The following OR5L2 variants were observed in gnomAD, a reference collection of about 807,000 sequenced individuals.
OR5L2 encodes olfactory receptor 5L2.
For missense variants in OR5L2, 425 were observed against 365.6 expected, an observed-to-expected ratio of 1.16 and a Z score of -1.32; for synonymous variants, 175 against 151.6, an observed-to-expected ratio of 1.15 and a Z score of -1.13.
rs1458129843 is a variant in OR5L2 at position 55,827,765 on chromosome 11, C to A, written c.547C>A (p.Pro183Thr). 1.2e-6 allele frequency: 2 copies of A among 1,613,750 alleles called. No individual in the cohort carries two copies. The highest frequency in any genetic ancestry group is 1.7e-5 in the Admixed American group (1 of 59,974). ...VINHFFCDLP[P>T]LLSLACSDVT... ...TAACCACTTCTTCTGTGATCTACCC[C>A]CTCTCCTAAGTCTTGCTTGCTCTGA... Residue 183 changes from proline (P) to threonine (T), a missense_variant, in exon 1 of 1, where the codon CCT (proline) becomes ACT (threonine). Transcript: ENST00000378397.
Position 55,827,760 on chromosome 11 carries a change from T to C in OR5L2, c.542T>C (p.Leu181Pro). The C allele has an allele frequency of 1.2e-6, 2 of 1,613,954 alleles. No homozygotes were observed. Among genetic ancestry groups the C allele is most frequent in the Non-Finnish European group, 1.7e-6 (2 of 1,180,000 alleles). ...GTGATTAACCACTTCTTCTGTGATCTACCCCCTCTCCTAAGTCTTGCTTGC... is the reference window on the plus strand; with the variant it reads ...GTGATTAACCACTTCTTCTGTGATCCACCCCCTCTCCTAAGTCTTGCTTGC... ...SNVINHFFCDLPPLLSLACSD... is the reference protein window; with the variant it reads ...SNVINHFFCDPPPLLSLACSD... Residue 181 changes from leucine to proline, a missense_variant, in exon 1 of 1, where the codon CTA becomes CCA. Coordinates refer to ENST00000378397, the MANE Select transcript of OR5L2 (RefSeq NM_001004739.1).
chr11:55,827,713 G>C lies in OR5L2; in HGVS notation c.495G>C (p.Arg165Ser). Residue 165 changes from arginine to serine, a missense_variant, in exon 1 of 1, where the codon AGG (arginine) becomes AGC (serine). Physicochemically the swap from Arg to Ser is moderately radical, Grantham distance 110. Transcript: ENST00000378397. ...TGATTCACTCGTCCTTAGCTCTTAG[G>C]ATCCTCTTCTATAGATCTAATGTGA... ...CSLIHSSLAL[R>S]ILFYRSNVIN... 6.2e-7 allele frequency: 1 copy of C among 1,613,706 alleles called. No individual in the cohort carries two copies. Among genetic ancestry groups the C allele is most frequent in the South Asian group, 1.1e-5 (1 of 91,082 alleles).
rs760578756 is a variant in OR5L2, at chr11:55,828,031, C to A, written c.813C>A (p.Asp271Glu). 6.6e-7 allele frequency: 1 copy of A among 1,509,808 alleles called. No homozygotes were observed. The highest frequency in any genetic ancestry group is 8.9e-7 in the Non-Finnish European group (1 of 1,128,132). 93.5% of individuals were successfully genotyped at this position (1,509,808 alleles called of 1,614,324 possible). ...RPSSGNSGDV[D>E]KVATVFYTVV... ...GTTCAGGCAACAGTGGAGATGTTGA[C>A]AAAGTGGCCACCGTGTTCTACACAG... Residue 271 changes from aspartate (D) to glutamate (E), a missense_variant, in exon 1 of 1, where the codon GAC becomes GAA. Physicochemically the swap from Asp to Glu is conservative, Grantham distance 45. Coordinates refer to ENST00000378397, the MANE Select transcript of OR5L2 (RefSeq NM_001004739.1).
Position 55,827,957 on chromosome 11 carries a change from G to A in OR5L2, c.739G>A (p.Ala247Thr), listed in dbSNP as rs775440264. ...CTCCACCTGTGCCTCCCACCTCACA[G>A]CCATCACTGTCTCCCATGGAACAAT... ...AFSTCASHLT[A>T]ITVSHGTILY... The change falls in exon 1 of 1, where the codon GCC becomes ACC. Residue 247 changes from alanine to threonine, a missense_variant. Transcript: ENST00000378397. 6.2e-7 allele frequency: 1 copy of A among 1,613,828 alleles called. No individual in the cohort carries two copies. The highest frequency in any genetic ancestry group is 8.5e-7 in the Non-Finnish European group (1 of 1,179,976).
Position 55,827,248 on chromosome 11 carries a change from T to G in OR5L2, c.30T>G (p.Ala10=), listed in dbSNP as rs61743527. The change falls in exon 1 of 1, where the codon GCT becomes GCG. Residue 10 remains alanine (A), a synonymous_variant. Transcript: ENST00000378397. The part of the protein sequence containing the change: MGKENCTTV[A]EFILLGLSDV... The stretch of plus-strand genomic sequence containing the variant: ...GCAAGGAAAACTGCACCACTGTGGC[T>G]GAGTTCATTCTCCTTGGACTATCAG... 1,724 of 1,613,578 alleles carry G rather than the reference T, an allele frequency of 1.1e-3. 36 individuals carry two copies. In the African/African-American group the frequency reaches 0.02, roughly 19 times the overall value.
chr11:55,827,232 A>G lies in OR5L2; in HGVS notation c.14A>G (p.Asn5Ser), dbSNP rs2134473863. ...TAAATTGGAGACATGGGCAAGGAAA[A>G]CTGCACCACTGTGGCTGAGTTCATT... MGKE[N>S]CTTVAEFILL... The change falls in exon 1 of 1, where the codon AAC becomes AGC. Residue 5 changes from asparagine to serine, a missense_variant. By Grantham distance (46) the Asn-to-Ser change is conservative. Coordinates refer to ENST00000378397, the MANE Select transcript of OR5L2 (RefSeq NM_001004739.1). 2 of 1,612,526 alleles carry G rather than the reference A, an allele frequency of 1.2e-6. No individual in the cohort carries two copies. The highest frequency in any genetic ancestry group is 1.7e-6 in the Non-Finnish European group (2 of 1,179,202).
Position 55,827,344 on chromosome 11 carries a change from T to C in OR5L2, c.126T>C (p.Asn42=), listed in dbSNP as rs531563456. ...TCTATGGAGTCACGTTGTTAGCCAA[T>C]CTGGGCATGACTGCACTGATTCAGG... ...LLIYGVTLLA[N]LGMTALIQVS... is the part of the protein sequence containing the mutation. Residue 42 remains asparagine (N), a synonymous_variant, in exon 1 of 1, where the codon AAT becomes AAC. Coordinates refer to ENST00000378397, the MANE Select transcript of OR5L2 (RefSeq NM_001004739.1). The C allele has an allele frequency of 1.1e-4, 181 of 1,613,902 alleles. No individual in the cohort carries two copies. In the East Asian group the frequency reaches 1.2e-3, roughly 11 times the overall value.
rs2134474823 is a variant in OR5L2, at chr11:55,827,484, A to T, written c.266A>T (p.Asp89Val). The T allele has an allele frequency of 6.2e-7, 1 of 1,613,960 alleles. No homozygotes were observed. The highest frequency in any genetic ancestry group is 8.5e-7 in the Non-Finnish European group (1 of 1,180,016). ...ATGTTGGCTAATATCTTTAACAAGGACAAAGCCATCTCCTTCCTAGGGTGC... is the reference window on the plus strand; with the variant it reads ...ATGTTGGCTAATATCTTTAACAAGGTCAAAGCCATCTCCTTCCTAGGGTGC... ...PKMLANIFNK[D>V]KAISFLGCMV... Residue 89 changes from aspartate to valine, a missense_variant, in exon 1 of 1, where the codon GAC (aspartate) becomes GTC (valine). By Grantham distance (152) the Asp-to-Val change is radical. Coordinates refer to ENST00000378397, the MANE Select transcript of OR5L2 (RefSeq NM_001004739.1).
chr11:55,827,516 C>A lies in OR5L2; in HGVS notation c.298C>A (p.Gln100Lys), dbSNP rs765592422. 3.1e-6 allele frequency: 5 copies of A among 1,613,530 alleles called. No individual in the cohort carries two copies. The highest frequency in any genetic ancestry group is 4.5e-5 in the East Asian group (2 of 44,870). ...CATCTCCTTCCTAGGGTGCATGGTGCAATTCTACTTGTTTTGCACATGTGG... is the reference window on the plus strand; with the variant it reads ...CATCTCCTTCCTAGGGTGCATGGTGAAATTCTACTTGTTTTGCACATGTGG... ...KAISFLGCMV[Q>K]FYLFCTCGVT... The change falls in exon 1 of 1, where the codon CAA becomes AAA. Residue 100 changes from glutamine (Q) to lysine (K), a missense_variant. By Grantham distance (53) the Gln-to-Lys change is moderately conservative. Transcript: ENST00000378397.
At position 55,827,623 on chromosome 11, in the gene OR5L2, C is replaced by T. The variant is rs768407005; in HGVS notation, c.405C>T (p.Thr135=). 1.2e-6 allele frequency: 2 copies of T among 1,613,842 alleles called. No homozygotes were observed. The highest frequency in any genetic ancestry group is 2.2e-5 in the East Asian group (1 of 44,872). ...GTAACCCCCTGCTGTACATGGTGACCATGTCTCAGAAGCTGCGTGTGGAGC... is the reference window on the plus strand; with the variant it reads ...GTAACCCCCTGCTGTACATGGTGACTATGTCTCAGAAGCTGCGTGTGGAGC... ...AICNPLLYMV[T]MSQKLRVELT... is the part of the protein sequence containing the mutation. The change falls in exon 1 of 1, where the codon ACC becomes ACT. Residue 135 remains threonine (T), a synonymous_variant. Transcript: ENST00000378397.
At position 55,827,828 on chromosome 11, in the gene OR5L2, A is replaced by C; in HGVS notation, c.610A>C (p.Thr204Pro). The change falls in exon 1 of 1, where the codon ACT becomes CCT. Residue 204 changes from threonine to proline, a missense_variant. Thr to Pro is a conservative substitution (Grantham distance 38, BLOSUM62 -1). Transcript: ENST00000378397. ...VNETLLFLVA[T>P]LNESVTIMII... The stretch of plus-strand genomic sequence containing the variant: ...TGAGACACTGCTGTTCCTGGTGGCC[A>C]CTTTGAATGAGAGTGTTACCATCAT... 1 of 1,613,890 alleles carries C rather than the reference A, an allele frequency of 6.2e-7. No homozygotes were observed. Among genetic ancestry groups the C allele is most frequent in the South Asian group, 1.1e-5 (1 of 91,070 alleles).
Position 55,827,415 on chromosome 11 carries a change from T to G in OR5L2, c.197T>G (p.Leu66Trp), listed in dbSNP as rs527576947. 301 of 1,614,086 alleles carry G rather than the reference T, an allele frequency of 1.9e-4. 4 individuals carry two copies. In the South Asian group the frequency reaches 2.7e-3, roughly 14 times the overall value. The change falls in exon 1 of 1, where the codon TTG becomes TGG. Residue 66 changes from leucine (L) to tryptophan (W), a missense_variant. Coordinates refer to ENST00000378397, the MANE Select transcript of OR5L2 (RefSeq NM_001004739.1). ...HTPVYFFLSH[L>W]SFVDFCYSSI... ...CCCGTGTACTTTTTCCTCAGCCACT[T>G]GTCCTTTGTAGATTTCTGCTACTCC...
chr11:55,827,421 T>A lies in OR5L2; in HGVS notation c.203T>A (p.Phe68Tyr), dbSNP rs201538214. ...TACTTTTTCCTCAGCCACTTGTCCTTTGTAGATTTCTGCTACTCCTCAATA... is the reference window on the plus strand; with the variant it reads ...TACTTTTTCCTCAGCCACTTGTCCTATGTAGATTTCTGCTACTCCTCAATA... ...PVYFFLSHLS[F>Y]VDFCYSSIIV... The change falls in exon 1 of 1, where the codon TTT (phenylalanine) becomes TAT (tyrosine). Residue 68 changes from phenylalanine (F) to tyrosine (Y), a missense_variant. Physicochemically the swap from Phe to Tyr is conservative, Grantham distance 22 (BLOSUM62 3). Coordinates refer to ENST00000378397, the MANE Select transcript of OR5L2 (RefSeq NM_001004739.1). The A allele has an allele frequency of 2.0e-5, 32 of 1,613,900 alleles. No homozygotes were observed. In the Admixed American group the frequency reaches 3.7e-4, roughly 18 times the overall value.
At position 55,827,759 on chromosome 11, in the gene OR5L2, C is replaced by T. The variant is rs549787976; in HGVS notation, c.541C>T (p.Leu181=). The stretch of plus-strand genomic sequence containing the variant: ...TGTGATTAACCACTTCTTCTGTGAT[C>T]TACCCCCTCTCCTAAGTCTTGCTTG... ...SNVINHFFCD[L]PPLLSLACSD... Residue 181 remains leucine (L), a synonymous_variant, in exon 1 of 1, where the codon CTA becomes TTA. Transcript: ENST00000378397. The T allele has an allele frequency of 2.5e-6, 4 of 1,613,930 alleles. No homozygotes were observed. Among genetic ancestry groups the T allele is most frequent in the South Asian group, 1.1e-5 (1 of 91,076 alleles).
Position 55,827,598 on chromosome 11 carries a change from G to C in OR5L2, c.380G>C (p.Cys127Ser), listed in dbSNP as rs1444812054. 1 of 1,613,914 alleles carries C rather than the reference G, an allele frequency of 6.2e-7. No individual in the cohort carries two copies. Among genetic ancestry groups the C allele is most frequent in the Non-Finnish European group, 8.5e-7 (1 of 1,179,998 alleles). Residue 127 changes from cysteine to serine, a missense_variant, in exon 1 of 1, where the codon TGT becomes TCT. Transcript: ENST00000378397. ...GCCTATGACCGCTTTGTGGCCATCT[G>C]TAACCCCCTGCTGTACATGGTGACC... Reference protein sequence around the residue: ...VMAYDRFVAICNPLLYMVTMS... With the variant: ...VMAYDRFVAISNPLLYMVTMS...
chr11:55,827,992 T>C lies in OR5L2; in HGVS notation c.774T>C (p.Ile258=), dbSNP rs756572472. 3.1e-6 allele frequency: 5 copies of C among 1,613,628 alleles called. No homozygotes were observed. The highest frequency in any genetic ancestry group is 3.4e-6 in the Non-Finnish European group (4 of 1,179,954). Residue 258 remains isoleucine (I), a synonymous_variant, in exon 1 of 1, where the codon ATT becomes ATC. Transcript: ENST00000378397. ...TCTCCCATGGAACAATCCTTTACAT[T>C]TATTGCAGGCCGAGTTCAGGCAACA... ...ITVSHGTILY[I]YCRPSSGNSG... is the part of the protein sequence containing the mutation.
In OR5L2 at chr11:55,827,460, T is replaced by C; in HGVS notation, c.242T>C (p.Met81Thr). 1 of 1,613,978 alleles carries C rather than the reference T, an allele frequency of 6.2e-7. No homozygotes were observed. Among genetic ancestry groups the C allele is most frequent in the Non-Finnish European group, 8.5e-7 (1 of 1,180,008 alleles). Residue 81 changes from methionine (M) to threonine (T), a missense_variant, in exon 1 of 1, where the codon ATG becomes ACG. Coordinates refer to ENST00000378397, the MANE Select transcript of OR5L2 (RefSeq NM_001004739.1). Reference protein sequence around the residue: ...FCYSSIIVPKMLANIFNKDKA... With the variant: ...FCYSSIIVPKTLANIFNKDKA... ...TACTCCTCAATAATTGTGCCAAAGATGTTGGCTAATATCTTTAACAAGGAC... is the reference window on the plus strand; with the variant it reads ...TACTCCTCAATAATTGTGCCAAAGACGTTGGCTAATATCTTTAACAAGGAC...
In OR5L2 at chr11:55,827,471, A is replaced by G; in HGVS notation, c.253A>G (p.Ile85Val). Residue 85 changes from isoleucine to valine, a missense_variant, in exon 1 of 1, where the codon ATC becomes GTC. Ile to Val is a conservative substitution (Grantham distance 29). Transcript: ENST00000378397. ...SIIVPKMLAN[I>V]FNKDKAISFL... ...AATTGTGCCAAAGATGTTGGCTAAT[A>G]TCTTTAACAAGGACAAAGCCATCTC... is the stretch of plus-strand genomic sequence containing the variant. The G allele has an allele frequency of 6.2e-7, 1 of 1,614,022 alleles. No individual in the cohort carries two copies. Among genetic ancestry groups the G allele is most frequent in the Non-Finnish European group, 8.5e-7 (1 of 1,180,020 alleles).
At position 55,827,368 on chromosome 11, in the gene OR5L2, G is replaced by T; in HGVS notation, c.150G>T (p.Gln50His). ...LANLGMTALIQVSSRLHTPVY... is the reference protein window; with the variant it reads ...LANLGMTALIHVSSRLHTPVY... ...ATCTGGGCATGACTGCACTGATTCAGGTCAGCTCTCGGCTCCACACCCCCG... is the reference window on the plus strand; with the variant it reads ...ATCTGGGCATGACTGCACTGATTCATGTCAGCTCTCGGCTCCACACCCCCG... The change falls in exon 1 of 1, where the codon CAG (glutamine) becomes CAT (histidine). Residue 50 changes from glutamine to histidine, a missense_variant. Coordinates refer to ENST00000378397, the MANE Select transcript of OR5L2 (RefSeq NM_001004739.1). The T allele has an allele frequency of 1.2e-6, 2 of 1,613,930 alleles. No individual in the cohort carries two copies. Among genetic ancestry groups the T allele is most frequent in the Non-Finnish European group, 1.7e-6 (2 of 1,179,998 alleles).
Sources: gnomAD v4.1 joint callset for allele counts on GRCh38, gnomAD v4.1.1 for gene constraint, MANE v1.5 for transcripts, NCBI Gene and HGNC (gene_info 2026-07-23, HGNC 2026-07-21) for gene names.